The following MAF variants were observed in gnomAD, a reference collection of about 807,000 sequenced individuals.
The protein encoded by MAF is transcription factor Maf.
Under a neutral mutation model 22.0 loss-of-function variants are expected in MAF, and 10 were observed. The observed-to-expected ratio is 0.45, with a 90% confidence interval of 0.28 to 0.77. The LOEUF (loss-of-function observed/expected upper bound fraction) is 0.77. MAF is among the 30% of genes least tolerant of loss of function. The probability of loss-of-function intolerance (pLI) is 0.12; values close to 1 mark genes in which losing one functional copy is unlikely to be tolerated. For missense variants in MAF, 544 were observed against 548.4 expected (o/e 0.99, Z 0.08); for synonymous variants, 337 against 255.8 (o/e 1.32, Z -3.03).
chr16:79,426,867 C>G, the MAF span, among the ~76,000 whole-genome samples: 1 of 152,154 alleles, frequency 6.6e-6, no homozygotes, highest in South Asian at 2.1e-4. Flanking sequence ...ATAATAAAAT[C>G]CCACAATGAA....
chr16:79,399,780 G>A, the MAF span, among the ~76,000 whole-genome samples: 3 of 152,168 alleles, frequency 2.0e-5, no homozygotes, highest in African/African-American at 7.2e-5. Context: ...GGTTACCAAA[G>A]CAGGGTGAAG....
chr16:79,589,842 G>C (rs1201702245), downstream of MAF, among the ~76,000 whole-genome samples: 1 of 152,214 alleles, frequency 6.6e-6, no homozygotes, highest in Non-Finnish European at 1.5e-5. Flanking sequence ...CGCTGGGTGT[G>C]GCCGTCATTA....
At chr16:79,339,244 G>C in the MAF span, among the ~76,000 whole-genome samples, 18 of 151,908 alleles carry the variant, frequency 1.2e-4, no homozygotes. Flanking sequence ...TAAATTTTTT[G>C]TATTTTTTGG....
At chr16:79,235,622 G>T in the MAF span, among the ~76,000 whole-genome samples, 7 of 152,104 alleles carry the variant, frequency 4.6e-5, no homozygotes, top group South Asian at 1.5e-3. Context: ...TCATCCAGGT[G>T]CTTCTCATAT....
chr16:79,540,127 C>G, the MAF span, among the ~76,000 whole-genome samples: 1 of 151,804 alleles, frequency 6.6e-6, no homozygotes, highest in Non-Finnish European at 1.5e-5. Flanking sequence ...AAGAGGTCAC[C>G]ACAGGAGCAT....
the MAF span, among the ~76,000 whole-genome samples, chr16:79,377,819 T>C: frequency 6.6e-6 from 1 of 152,330 alleles, no homozygotes; most frequent in East Asian, 1.9e-4. Flanking sequence ...GTCAGGTTTG[T>C]CAAAGATCAG....
chr16:79,288,530 G>A, the MAF span, among the ~76,000 whole-genome samples: 1 of 152,144 alleles, frequency 6.6e-6, no homozygotes, highest in Non-Finnish European at 1.5e-5. Flanking sequence ...CCTCTGCTGA[G>A]CCCTGTGTGA....
the MAF span, among the ~76,000 whole-genome samples, chr16:79,481,491 G>A: frequency 2.6e-5 from 4 of 151,860 alleles, no homozygotes; most frequent in South Asian, 6.3e-4. Context: ...CCCCCTAGAC[G>A]TTACCTCTCC....
the MAF span, among the ~76,000 whole-genome samples, chr16:79,221,459 G>GACATGAAAAAAATGAACAC: frequency 6.6e-6 from 1 of 151,954 alleles, no homozygotes; most frequent in Non-Finnish European, 1.5e-5. Flanking sequence ...AGGAGCAGAA[G>GACATGAAAAAAATGAACAC]ACATGAAAAA....
At chr16:79,549,558 G>A in the MAF span, among the ~76,000 whole-genome samples, 1 of 152,186 alleles carries the variant, frequency 6.6e-6, no homozygotes, top group Admixed American at 6.5e-5. Flanking sequence ...CTGGCCCTTG[G>A]CATGGCCAGT....
chr16:79,593,777 A>ATTTTT (rs11307570), downstream of MAF: 1 of 172,472 alleles, frequency 5.8e-6, no homozygotes. Flanking sequence ...AAAGGAGGTG[A>ATTTTT]TTTTTTTTTT....
the MAF span, among the ~76,000 whole-genome samples, chr16:79,578,168 T>C: frequency 2.0e-5 from 3 of 152,370 alleles, no homozygotes; most frequent in South Asian, 6.2e-4. Flanking sequence ...CCAGCATTTA[T>C]AAATTTAACT....
the MAF span, among the ~76,000 whole-genome samples, chr16:79,232,840 T>C: frequency 1.6e-5 from 2 of 126,386 alleles, no homozygotes; most frequent in Non-Finnish European, 3.6e-5. Flanking sequence ...AGCCATTCTT[T>C]TTTTTTTTTT....
chr16:79,481,704 C>G, the MAF span, among the ~76,000 whole-genome samples: 2 of 152,132 alleles, frequency 1.3e-5, no homozygotes, highest in African/African-American at 4.8e-5. Flanking sequence ...ATTCAGCCAT[C>G]CACCCACCCA....
the MAF span, among the ~76,000 whole-genome samples, chr16:79,410,122 G>A: frequency 3.3e-5 from 5 of 152,290 alleles, no homozygotes; most frequent in South Asian, 2.1e-4. Context: ...ACTGCTGAGT[G>A]TTCAAACTGT....
the MAF span, among the ~76,000 whole-genome samples, chr16:79,290,659 T>G: frequency 6.6e-6 from 1 of 152,250 alleles, no homozygotes; most frequent in South Asian, 2.1e-4. Flanking sequence ...TGTTGGTCTA[T>G]TACATAAAAC....
the MAF span, among the ~76,000 whole-genome samples, chr16:79,478,499 G>A: frequency 6.6e-6 from 1 of 152,122 alleles, no homozygotes; most frequent in Admixed American, 6.5e-5. Context: ...CACTAGCAGT[G>A]GGATAGGTCT....
At chr16:79,596,474 C>T (rs1327533984) in intron 1 of MAF, 1 of 1,050,156 alleles carries the variant, frequency 9.5e-7, no homozygotes, top group African/African-American at 1.7e-5. Context: ...AAACTGAGTA[C>T]AGAATCAAAA....
At chr16:79,557,161 A>C in the MAF span, among the ~76,000 whole-genome samples, 1 of 115,482 alleles carries the variant, frequency 8.7e-6, no homozygotes, top group Non-Finnish European at 2.0e-5. Flanking sequence ...GACTTCAGCA[A>C]GTGTAGTTTT....
Sources: allele counts gnomAD v4.1 joint callset (sites outside exome capture counted in the v4.1 genomes callset), GRCh38; gene constraint gnomAD v4.1.1; transcripts MANE v1.5; gene names NCBI Gene and HGNC (gene_info 2026-07-23, HGNC 2026-07-21).